ENAH: variants seen among roughly 807,000 people sequenced by gnomAD.
ENAH encodes ENAH actin regulator.
Under a neutral mutation model 78.7 loss-of-function variants are expected in ENAH, and 23 were observed. That is an observed-to-expected ratio of 0.29 (90% CI 0.21 to 0.41). ENAH has a LOEUF of 0.41. Ranked by LOEUF, ENAH falls within the 10% of genes least tolerant of loss-of-function variation. The probability of loss-of-function intolerance (pLI) is 1.00; values close to 1 mark genes in which losing one functional copy is unlikely to be tolerated. For missense variants in ENAH, 544 were observed against 691.0 expected, an observed-to-expected ratio of 0.79 and a Z score of 2.39; for synonymous variants, 226 against 241.0, an observed-to-expected ratio of 0.94 and a Z score of 0.58.
At chr1:225,517,137 T>A in intron 6 of ENAH, 59 bp downstream of exon 6, 1 of 1,393,658 alleles carries the variant, frequency 7.2e-7, no homozygotes, top group Non-Finnish European at 9.5e-7. Flanking sequence ...GCAATTAAAG[T>A]CACTGCTATA....
rs1019729710 is a variant in ENAH at position 225,487,365 on chromosome 1, T to G, written c.*10410A>C. On this transcript the variant is annotated 3_prime_UTR_variant, in exon 14 of 14. Coordinates refer to ENST00000366843, the MANE Select transcript of ENAH (RefSeq NM_018212.6). ...TCACCTTCTCTTCCACGTTCCCTTC[T>G]TAAACGTAGATGTCAAGCTTAGAAG... 12 of 152,348 alleles carry G rather than the reference T, an allele frequency of 7.9e-5. No individual in the cohort carries two copies. The highest frequency in any genetic ancestry group is 2.9e-4 in the African/African-American group (12 of 41,586). 9.4% of individuals were successfully genotyped at this position (152,348 alleles called of 1,614,324 possible).
chr1:225,577,770 G>GA (rs945418169), intron 1 of ENAH, among the ~76,000 whole-genome samples: 59 of 152,226 alleles, frequency 3.9e-4, no homozygotes, highest in African/African-American at 1.3e-3. Flanking sequence ...TCTGCAGGAT[G>GA]AAAAAATCTC....
chr1:225,506,232 G>C (rs1245462610), intron 11 of ENAH, among the ~76,000 whole-genome samples: 1 of 152,200 alleles, frequency 6.6e-6, no homozygotes, highest in African/African-American at 2.4e-5. Flanking sequence ...CAGGTCTGCA[G>C]ACTGGAGTGC....
intron 1 of ENAH, among the ~76,000 whole-genome samples, chr1:225,584,314 G>T (rs1332231715): frequency 1.3e-5 from 2 of 152,102 alleles, no homozygotes; most frequent in African/African-American, 2.4e-5. Flanking sequence ...GAGTTGCAAG[G>T]TTTCTACATT....
intron 1 of ENAH, among the ~76,000 whole-genome samples, chr1:225,610,884 T>A (rs2096984527): frequency 6.6e-6 from 1 of 152,150 alleles, no homozygotes; most frequent in South Asian, 2.1e-4. Context: ...CAAATGTCCA[T>A]CAACCTTAGA....
intron 10 of ENAH, among the ~76,000 whole-genome samples, chr1:225,510,450 G>T (rs556009870): frequency 4.6e-5 from 7 of 152,158 alleles, no homozygotes; most frequent in Admixed American, 3.9e-4. Context: ...CGGTACTAAT[G>T]AGAGTACATA....
rs370162115 is a variant in ENAH at position 225,512,780 on chromosome 1, C to T, written c.1365-66G>A. ...ATTCAGTATAAAAACCACTTCTCTA[C>T]GAGGAAAGAAGTGCATCTAGTTAGT... On this transcript the variant is annotated intron_variant, in intron 8 of 13. Coordinates refer to ENST00000366843, the MANE Select transcript of ENAH (RefSeq NM_018212.6). 9.5e-4 allele frequency: 1,522 copies of T among 1,608,666 alleles called. 4 individuals are homozygous for T. Among genetic ancestry groups the T allele is most frequent in the Middle Eastern group, 3.0e-3 (18 of 6,024 alleles).
intron 9 of ENAH, among the ~76,000 whole-genome samples, 158 bp downstream of exon 9, chr1:225,512,497 AAC>A (rs951960383): frequency 1.3e-5 from 2 of 152,232 alleles, no homozygotes; most frequent in Non-Finnish European, 2.9e-5. Context: ...ATTTATAAAT[AAC>A]AGTCAAAACA....
In ENAH at chr1:225,591,383, G is replaced by A. The variant is rs141648964; in HGVS notation, c.6-23969C>T. On this transcript the variant is annotated intron_variant, in intron 1 of 13. Transcript: ENST00000366843. The stretch of plus-strand genomic sequence containing the variant: ...CTCAGGAGGCTGAGGCAGGAGAATC[G>A]CTTGAACCCCGGAGGTGGAGGTTGC... Among the ~76,000 whole-genome samples, 682 of 151,888 alleles carry A rather than the reference G, an allele frequency of 4.5e-3. 2 individuals carry two copies. The highest frequency in any genetic ancestry group is 6.7e-3 in the Non-Finnish European group (457 of 67,970).
At chr1:225,609,312 T>TA (rs1297982270) in intron 1 of ENAH, among the ~76,000 whole-genome samples, 2 of 151,976 alleles carry the variant, frequency 1.3e-5, no homozygotes, top group African/African-American at 4.8e-5. Context: ...AAAGATTCAT[T>TA]AAATCCAGCT....
chr1:225,631,557 G>C (rs1659063363), intron 1 of ENAH, among the ~76,000 whole-genome samples: 1 of 133,836 alleles, frequency 7.5e-6, no homozygotes, highest in African/African-American at 2.9e-5. Context: ...CTGAGTGACA[G>C]AGCAAGACAC....
At chr1:225,645,191 TA>T (rs535594502) in intron 1 of ENAH, among the ~76,000 whole-genome samples, 5 of 152,198 alleles carry the variant, frequency 3.3e-5, no homozygotes, top group Non-Finnish European at 7.3e-5. Context: ...TCCAAAGTAA[TA>T]AAAATGTCAG....
At chr1:225,554,804 A>G in intron 3 of ENAH, 102 bp downstream of exon 3, 1 of 985,320 alleles carries the variant, frequency 1.0e-6, no homozygotes, top group Non-Finnish European at 1.4e-6. Flanking sequence ...CATTTGTTTT[A>G]ACATACACAT....
At chr1:225,542,699 G>T (rs1340682426) in intron 3 of ENAH, among the ~76,000 whole-genome samples, 2 of 151,994 alleles carry the variant, frequency 1.3e-5, no homozygotes, top group Non-Finnish European at 2.9e-5. Context: ...AAATAAACTG[G>T]GTTTGTCTCA....
intron 3 of ENAH, among the ~76,000 whole-genome samples, chr1:225,534,418 TTC>T (rs1558771060): frequency 1.3e-5 from 2 of 152,150 alleles, no homozygotes; most frequent in African/African-American, 4.8e-5. Flanking sequence ...CTTTCCTTTT[TTC>T]TTTTTTTTAT....
At chr1:225,514,156 A>G (rs887543309) in intron 7 of ENAH, among the ~76,000 whole-genome samples, 1 of 152,044 alleles carries the variant, frequency 6.6e-6, no homozygotes, top group African/African-American at 2.4e-5. Context: ...AATTATGTCA[A>G]TTTTTAATTT....
At chr1:225,652,150 C>T (rs1663135979) in intron 1 of ENAH, among the ~76,000 whole-genome samples, 1 of 152,048 alleles carries the variant, frequency 6.6e-6, no homozygotes, top group African/African-American at 2.4e-5. Context: ...TCCCTTCCCC[C>T]ACCATCGTGA....
chr1:225,595,489 A>G (rs957886371), intron 1 of ENAH, among the ~76,000 whole-genome samples: 1 of 152,228 alleles, frequency 6.6e-6, no homozygotes, highest in African/African-American at 2.4e-5. Context: ...CAGTCTCCTA[A>G]TCATGAAATG....
intron 4 of ENAH, among the ~76,000 whole-genome samples, chr1:225,525,865 C>T (rs982118768): frequency 4.6e-5 from 7 of 152,108 alleles, no homozygotes; most frequent in Non-Finnish European, 1.0e-4. Context: ...TTCTAAAATA[C>T]CATAGTGAGA....
Sources: gnomAD v4.1 joint callset for allele counts (sites outside exome capture counted in the v4.1 genomes callset) on GRCh38, gnomAD v4.1.1 for gene constraint, MANE v1.5 for transcripts, NCBI Gene and HGNC (gene_info 2026-07-23, HGNC 2026-07-21) for gene names.